Variants in AGAP1 observed in about 807,000 individuals in gnomAD.
AGAP1 encodes the protein ArfGAP with GTPase domain, ankyrin repeat and PH domain 1, also known as arf-GAP with GTPase, ANK repeat and PH domain-containing protein 1.
AGAP1 carries 29 observed loss-of-function variants against 105.3 expected under a neutral mutation model. That is an observed-to-expected ratio of 0.28 (90% CI 0.21 to 0.38). The LOEUF (loss-of-function observed/expected upper bound fraction) is 0.38. Among genes scored for constraint, AGAP1 ranks in the 10% least tolerant of loss-of-function variants. AGAP1 has a pLI of 1.00. For synonymous variants in AGAP1, 509 were observed against 485.9 expected (o/e 1.05, Z -0.63); for missense variants, 998 against 1,165.1 (o/e 0.86, Z 2.09).
chr2:235,644,739 G>A (rs757260785), intron 1 of AGAP1, among the ~76,000 whole-genome samples: 16 of 152,130 alleles, frequency 1.1e-4, no homozygotes, highest in Admixed American at 7.2e-4. Context: ...GTAGTGTTGC[G>A]TCCATTGGTC....
chr2:235,708,649 A>G (rs1406601558), intron 1 of AGAP1, among the ~76,000 whole-genome samples: 2 of 152,218 alleles, frequency 1.3e-5, no homozygotes, highest in Non-Finnish European at 2.9e-5. Context: ...TGTTACTTAC[A>G]AACACTGAAG....
At chr2:235,743,205 G>A (rs1324209815) in intron 4 of AGAP1, among the ~76,000 whole-genome samples, 1 of 152,180 alleles carries the variant, frequency 6.6e-6, no homozygotes, top group Non-Finnish European at 1.5e-5. Flanking sequence ...GTTTTCTGAT[G>A]GTGAACATGT....
rs921041262 is a variant in AGAP1, at chr2:235,639,367, A to G, written c.164-69812A>G. ...TGGGTGGGTGAGCTCACCCAGGACC[A>G]CGGTGTGGCCTGAGAAGTCGGCCTG... On this transcript the variant is annotated intron_variant, in intron 1 of 17. Transcript: ENST00000304032. This position sits in a 1 kb window ranked among gnomAD's most constrained non-coding sequence, Gnocchi z 5.3. Among the ~76,000 whole-genome samples, 3 of 152,178 alleles carry G rather than the reference A, an allele frequency of 2.0e-5. No individual in the cohort carries two copies. Among genetic ancestry groups the G allele is most frequent in the Non-Finnish European group, 4.4e-5 (3 of 68,034 alleles).
chr2:236,092,645 G>T lies in AGAP1; in HGVS notation c.2115-27547G>T, dbSNP rs1014168907. 6.6e-6 allele frequency among the ~76,000 whole-genome samples: 1 copy of T among 152,176 alleles called. No homozygotes were observed. Among genetic ancestry groups the T allele is most frequent in the Non-Finnish European group, 1.5e-5 (1 of 68,040 alleles). On this transcript the variant is annotated intron_variant, in intron 16 of 17. Transcript: ENST00000304032. The surrounding 1 kb of genome is among the most constrained non-coding windows in gnomAD (Gnocchi z 4.7). ...CTGACCTCATGATCCACCCGCCTTGGCCTCCCAAAGTGCTGGGATTACAGG... is the reference window on the plus strand; with the variant it reads ...CTGACCTCATGATCCACCCGCCTTGTCCTCCCAAAGTGCTGGGATTACAGG...
intron 16 of AGAP1, among the ~76,000 whole-genome samples, chr2:236,052,721 T>C (rs987168275): frequency 3.9e-5 from 6 of 152,172 alleles, no homozygotes; most frequent in Non-Finnish European, 7.3e-5. Context: ...TTTTTCCCAG[T>C]GCATTCGATA....
chr2:235,767,403 G>A (rs920714328), intron 6 of AGAP1, among the ~76,000 whole-genome samples: 1 of 152,208 alleles, frequency 6.6e-6, no homozygotes, highest in East Asian at 1.9e-4. Flanking sequence ...CGGGCCAAGC[G>A]TGGAGGCTCT....
chr2:235,590,716 T>TGCGC (rs1491557940), intron 1 of AGAP1, among the ~76,000 whole-genome samples: 1 of 32,796 alleles, frequency 3.0e-5, no homozygotes, highest in Non-Finnish European at 5.7e-5. Context: ...TGTGTGTGCA[T>TGCGC]TTTTTTTTTT....
rs940191616 is a variant in AGAP1, at chr2:235,906,920, G to T, written c.1156-1818G>T. Reference sequence around the variant, plus strand: ...CATCCCAGCTACTCGGGAGACTGAGGCAGGAGAATCTCTTGAATCCGGAAG... The same window carrying T: ...CATCCCAGCTACTCGGGAGACTGAGTCAGGAGAATCTCTTGAATCCGGAAG... On this transcript the variant is annotated intron_variant, in intron 10 of 17. Coordinates refer to ENST00000304032, the MANE Select transcript of AGAP1 (RefSeq NM_001037131.3). The surrounding 1 kb of genome is among the most constrained non-coding windows in gnomAD (Gnocchi z 5.3). 2.0e-5 allele frequency among the ~76,000 whole-genome samples: 3 copies of T among 152,204 alleles called. No individual in the cohort carries two copies. Among genetic ancestry groups the T allele is most frequent in the Non-Finnish European group, 4.4e-5 (3 of 68,046 alleles).
At chr2:235,756,777 C>T (rs1207375240) in intron 6 of AGAP1, among the ~76,000 whole-genome samples, 2 of 152,168 alleles carry the variant, frequency 1.3e-5, no homozygotes, top group Non-Finnish European at 1.5e-5. Context: ...ACTGTGCATG[C>T]GTGAGATCTA....
chr2:235,893,752 G>A lies in AGAP1; in HGVS notation c.1155+10303G>A, dbSNP rs1299847210. Among the ~76,000 whole-genome samples, 1 of 152,166 alleles carries A rather than the reference G, an allele frequency of 6.6e-6. No homozygotes were observed. Among genetic ancestry groups the A allele is most frequent in the Non-Finnish European group, 1.5e-5 (1 of 68,030 alleles). ...GGGCTGTCATGTGAGTGGCACATAG[G>A]TATTGCTTAGTACACACCGGTCACA... On this transcript the variant is annotated intron_variant, in intron 10 of 17. Transcript: ENST00000304032. The surrounding 1 kb of genome is among the most constrained non-coding windows in gnomAD (Gnocchi z 4.7).
At position 235,816,164 on chromosome 2, in the gene AGAP1, A is replaced by G. The variant is rs148719381; in HGVS notation, c.1050+8833A>G. Among the ~76,000 whole-genome samples, 441 of 152,332 alleles carry G rather than the reference A, an allele frequency of 2.9e-3. 2 individuals carry two copies. Among genetic ancestry groups the G allele is most frequent in the East Asian group, 0.02 (104 of 5,180 alleles). ...TACTGAAAGAAAGATACAGCTGGGC[A>G]TAGTGGCTCACGCCGGTAATCCCAG... On this transcript the variant is annotated intron_variant, in intron 9 of 17. Coordinates refer to ENST00000304032, the MANE Select transcript of AGAP1 (RefSeq NM_001037131.3).
At chr2:235,756,562 T>C (rs1489737584) in intron 6 of AGAP1, among the ~76,000 whole-genome samples, 2 of 152,150 alleles carry the variant, frequency 1.3e-5, no homozygotes, top group Non-Finnish European at 2.9e-5. Context: ...AATGAGCTGA[T>C]AAAGATGTAC....
At position 235,789,491 on chromosome 2, in the gene AGAP1, A is replaced by G. The variant is rs536938386; in HGVS notation, c.674-8268A>G. Among the ~76,000 whole-genome samples the G allele has an allele frequency of 2.6e-5, 4 of 152,336 alleles. No individual in the cohort carries two copies. In the East Asian group the frequency reaches 7.7e-4, roughly 29 times the overall value. On this transcript the variant is annotated intron_variant, in intron 6 of 17. Coordinates refer to ENST00000304032, the MANE Select transcript of AGAP1 (RefSeq NM_001037131.3). The surrounding 1 kb of genome is among the most constrained non-coding windows in gnomAD (Gnocchi z 4.2). Reference sequence around the variant, plus strand: ...ATACAACGAGATAAAAAGAATACAGACAAGAACTGAATTTCAGATTAAGAA... The same window carrying G: ...ATACAACGAGATAAAAAGAATACAGGCAAGAACTGAATTTCAGATTAAGAA...
chr2:235,795,076 C>T (rs927427708), intron 6 of AGAP1, among the ~76,000 whole-genome samples: 2 of 152,140 alleles, frequency 1.3e-5, no homozygotes, highest in African/African-American at 2.4e-5. Flanking sequence ...AGCTCCCTCC[C>T]GTGACATTCC....
intron 1 of AGAP1, among the ~76,000 whole-genome samples, chr2:235,525,321 A>T (rs1197758838): frequency 8.0e-6 from 1 of 124,906 alleles, no homozygotes; most frequent in South Asian, 2.7e-4. Context: ...ACTGATACAT[A>T]ATGTGGAGGA....
chr2:235,840,972 G>T (rs146706683), intron 9 of AGAP1, among the ~76,000 whole-genome samples: 3,232 of 152,098 alleles, frequency 0.021, 55 homozygotes, highest in Non-Finnish European at 0.028. Context: ...AAAGAAACTT[G>T]AGAGACTGTT....
chr2:235,797,670 G>C, intron 6 of AGAP1, 89 bp from the exon 7 acceptor site: 1 of 1,523,194 alleles, frequency 6.6e-7, no homozygotes, highest in Non-Finnish European at 9.0e-7. Flanking sequence ...GGAAATAACA[G>C]ATTTCGACAA....
intron 1 of AGAP1, among the ~76,000 whole-genome samples, chr2:235,603,473 A>G (rs1239318611): frequency 6.6e-6 from 1 of 152,328 alleles, no homozygotes; most frequent in Non-Finnish European, 1.5e-5. Flanking sequence ...CAAGATCAGA[A>G]TGGGTGCTTC....
At chr2:235,542,607 CA>C (rs901101832) in intron 1 of AGAP1, among the ~76,000 whole-genome samples, 4 of 151,026 alleles carry the variant, frequency 2.6e-5, no homozygotes, top group African/African-American at 9.9e-5. Context: ...AAATTCTTAA[CA>C]AAATGATACA....
Sources: allele counts gnomAD v4.1 joint callset (sites outside exome capture counted in the v4.1 genomes callset), GRCh38; gene constraint gnomAD v4.1.1; non-coding constraint Gnocchi (gnomAD v3.1); transcripts MANE v1.5; gene names NCBI Gene and HGNC (gene_info 2026-07-23, HGNC 2026-07-21).